PTPN3: variants seen among roughly 807,000 people sequenced by gnomAD.
PTPN3 encodes protein tyrosine phosphatase non-receptor type 3.
Under a neutral mutation model 132.7 loss-of-function variants are expected in PTPN3, and 96 were observed. The observed-to-expected ratio is 0.72, with a 90% CI of 0.61 to 0.86. The LOEUF (loss-of-function observed/expected upper bound fraction) is 0.86. Ranked by LOEUF, PTPN3 falls within the 40% of genes least tolerant of loss-of-function variation. PTPN3 has a pLI of 0.00. For missense variants in PTPN3, 1,125 were observed against 1,159.6 expected, an observed-to-expected ratio of 0.97 and a Z score of 0.43; for synonymous variants, 398 against 429.0, an observed-to-expected ratio of 0.93 and a Z score of 0.89.
At chr9:109,423,797 G>T (rs930547294) in intron 12 of PTPN3, among the ~76,000 whole-genome samples, 1 of 152,088 alleles carries the variant, frequency 6.6e-6, no homozygotes, top group African/African-American at 2.4e-5. Flanking sequence ...TTTGGTTCTG[G>T]CATCTCTAAA....
chr9:109,536,213 CTGAG>C, the PTPN3 span, among the ~76,000 whole-genome samples: 1 of 152,232 alleles, frequency 6.6e-6, no homozygotes, highest in Admixed American at 6.5e-5. Context: ...CTTTTTATGG[CTGAG>C]TAATAGTCTG....
chr9:109,501,057 G>GT (rs145236686), upstream of PTPN3, among the ~76,000 whole-genome samples: 194 of 152,178 alleles, frequency 1.3e-3, 1 homozygote, highest in African/African-American at 4.4e-3. Context: ...AAGTTTGGGT[G>GT]TTTTTTAAAA....
chr9:109,420,612 A>C lies in PTPN3; in HGVS notation c.1137-12T>G. On this transcript the variant is annotated splice_polypyrimidine_tract_variant and intron_variant, in intron 13 of 25. Transcript: ENST00000374541. Reference sequence around the variant, plus strand: ...GCCGAGGACTTCGCCTGGGTGGGAAAAACGTTGAGTGCAAAGTGTTCAAAG... The same window carrying C: ...GCCGAGGACTTCGCCTGGGTGGGAACAACGTTGAGTGCAAAGTGTTCAAAG... 6.2e-7 allele frequency: 1 copy of C among 1,602,834 alleles called. No individual in the cohort carries two copies.
the PTPN3 span, among the ~76,000 whole-genome samples, chr9:109,533,126 A>ATTTTTTTTTTTTTTTTTTTTT: frequency 2.7e-5 from 1 of 36,554 alleles, no homozygotes; most frequent in Non-Finnish European, 4.5e-5. Context: ...TACCTGGCTA[A>ATTTTTTTTTTTTTTTTTTTTT]TTTTTTTTTT....
chr9:109,522,121 G>A, the PTPN3 span, among the ~76,000 whole-genome samples: 1 of 152,182 alleles, frequency 6.6e-6, no homozygotes, highest in African/African-American at 2.4e-5. Flanking sequence ...AGTGTGGACG[G>A]CAGACCATCA....
At chr9:109,449,224 C>T in intron 5 of PTPN3, 1 of 1,045,370 alleles carries the variant, frequency 9.6e-7, no homozygotes, top group Non-Finnish European at 1.1e-6. Flanking sequence ...GGGCTCTGCA[C>T]AAGCGGCGCC....
chr9:109,477,935 C>G (rs2132092652), intron 1 of PTPN3, among the ~76,000 whole-genome samples: 1 of 152,348 alleles, frequency 6.6e-6, no homozygotes, highest in Non-Finnish European at 1.5e-5. Context: ...CATGCACTGG[C>G]TCTGAGCCAA....
chr9:109,537,521 C>G, the PTPN3 span, among the ~76,000 whole-genome samples: 1 of 133,258 alleles, frequency 7.5e-6, no homozygotes, highest in East Asian at 1.9e-4. Context: ...TTCTCTCTGT[C>G]TGCCTGACTC....
In PTPN3 at chr9:109,389,277, A is replaced by G. The variant is rs199692080; in HGVS notation, c.2209T>C (p.Leu737=). 2 of 1,614,208 alleles carry G rather than the reference A, an allele frequency of 1.2e-6. No individual in the cohort carries two copies. The highest frequency in any genetic ancestry group is 1.7e-6 in the Non-Finnish European group (2 of 1,180,028). ...QFWQVVWDQK[L]SLIVMLTTLT... ...GTCGTCAACATGACAATGAGTGACA[A>G]CTTCTGATCCCAGACAACCTGCCAA... is the stretch of plus-strand genomic sequence containing the variant. The change falls in exon 22 of 26, where the codon TTG becomes CTG. Residue 737 remains leucine (L), a synonymous_variant. Transcript: ENST00000374541.
At position 109,410,209 on chromosome 9, in the gene PTPN3, G is replaced by T. The variant is rs199672148; in HGVS notation, c.1500+20C>A. 2.3e-5 allele frequency: 37 copies of T among 1,611,930 alleles called. No individual in the cohort carries two copies. The African/African-American group carries it at 3.7e-4, about 16-fold the overall frequency. On this transcript the variant is annotated intron_variant, in intron 15 of 25. Transcript: ENST00000374541. ...GAAGCCCTGGGTGTGTGGATCACCC[G>T]GCTGCCTGCGCTCGCTCACCTTGTC... is the stretch of plus-strand genomic sequence containing the variant.
chr9:109,528,719 T>G, the PTPN3 span, among the ~76,000 whole-genome samples: 1 of 152,260 alleles, frequency 6.6e-6, no homozygotes, highest in African/African-American at 2.4e-5. Flanking sequence ...TATGTATATA[T>G]ATATGTTATG....
intron 19 of PTPN3, 27 bp from the exon 20 acceptor site, chr9:109,391,588 A>G: frequency 1.9e-6 from 3 of 1,551,292 alleles, no homozygotes; most frequent in Non-Finnish European, 2.7e-6. Context: ...GAAAAAAGCA[A>G]GCATTGCAAA....
intron 19 of PTPN3, among the ~76,000 whole-genome samples, chr9:109,403,260 C>T (rs1443517767): frequency 6.6e-6 from 1 of 152,186 alleles, no homozygotes; most frequent in African/African-American, 2.4e-5. Context: ...TGCATTCCTT[C>T]ATTTTAAACA....
chr9:109,463,583 GATC>G, intron 1 of PTPN3, 132 bp from the exon 2 acceptor site: 1 of 724,824 alleles, frequency 1.4e-6, no homozygotes, highest in Non-Finnish European at 2.1e-6. Flanking sequence ...CTACATAGCA[GATC>G]ATGTTTCCAA....
At chr9:109,527,776 A>G in the PTPN3 span, among the ~76,000 whole-genome samples, 1 of 152,256 alleles carries the variant, frequency 6.6e-6, no homozygotes, top group Non-Finnish European at 1.5e-5. Flanking sequence ...GATAAGTAAA[A>G]TGAATAACTT....
chr9:109,514,546 T>G, the PTPN3 span, among the ~76,000 whole-genome samples: 2 of 152,206 alleles, frequency 1.3e-5, no homozygotes, highest in South Asian at 4.1e-4. Context: ...ACCTTGACTT[T>G]GTGGAGCTTA....
At chr9:109,431,181 G>A (rs1433111812) in intron 10 of PTPN3, among the ~76,000 whole-genome samples, 1 of 152,204 alleles carries the variant, frequency 6.6e-6, no homozygotes, top group African/African-American at 2.4e-5. Context: ...GTGAGCCTGG[G>A]GGTTGGAGAG....
chr9:109,460,583 AG>A (rs1845798363), intron 2 of PTPN3, among the ~76,000 whole-genome samples: 1 of 152,120 alleles, frequency 6.6e-6, no homozygotes, highest in African/African-American at 2.4e-5. Context: ...AACCAAAGGA[AG>A]TGGGCTCCAG....
intron 1 of PTPN3, among the ~76,000 whole-genome samples, chr9:109,490,725 C>T (rs67657306): frequency 0.2 from 30,119 of 150,812 alleles, 3,806 homozygotes; most frequent in Non-Finnish European, 0.26. Flanking sequence ...GGCGACAGAG[C>T]GAGACTCCAT....
Sources: allele counts gnomAD v4.1 joint callset (sites outside exome capture counted in the v4.1 genomes callset), GRCh38; gene constraint gnomAD v4.1.1; transcripts MANE v1.5; gene names NCBI Gene and HGNC (gene_info 2026-07-23, HGNC 2026-07-21).